PRCP: variants seen among roughly 807,000 people sequenced by gnomAD.
The protein encoded by PRCP is lysosomal Pro-X carboxypeptidase.
Under a neutral mutation model 54.2 loss-of-function variants are expected in PRCP, and 46 were observed. That is an observed-to-expected ratio of 0.85 (90% CI 0.67 to 1.09). The LOEUF is 1.09. Ranked by LOEUF, PRCP falls within the 50% of genes least tolerant of loss-of-function variation. PRCP has a pLI of 0.00. For missense variants in PRCP, 613 were observed against 596.8 expected (o/e 1.03, Z -0.28); for synonymous variants, 240 against 212.2 (o/e 1.13, Z -1.14).
Position 82,876,104 on chromosome 11 carries a change from C to T in PRCP, c.169-15987G>A, listed in dbSNP as rs191765405. Among the ~76,000 whole-genome samples the T allele has an allele frequency of 2.0e-5, 3 of 152,320 alleles. No homozygotes were observed. In the East Asian group the frequency reaches 5.8e-4, roughly 29 times the overall value. On this transcript the variant is annotated intron_variant, in intron 1 of 8. Transcript: ENST00000313010. Reference sequence around the variant, plus strand: ...AAAGGAGAATGCTCCTTCTCTGATCCTATGACAGCTTCCAGAACAGTCACC... The same window carrying T: ...AAAGGAGAATGCTCCTTCTCTGATCTTATGACAGCTTCCAGAACAGTCACC...
rs144187543 is a variant in PRCP, at chr11:82,896,166, T to C, written c.168+4069A>G. ...CCTACCATGTTTTATGCACCATCCA[T>C]GTGGCTTTCATTTGTTACGACACTG... On this transcript the variant is annotated intron_variant, in intron 1 of 8. Transcript: ENST00000313010. Among the ~76,000 whole-genome samples the C allele has an allele frequency of 5.9e-5, 9 of 152,318 alleles. No homozygotes were observed. In the East Asian group the frequency reaches 1.5e-3, roughly 26 times the overall value.
intron 1 of PRCP, among the ~76,000 whole-genome samples, chr11:82,867,728 G>A (rs1448264453): frequency 6.6e-6 from 1 of 151,438 alleles, no homozygotes; most frequent in East Asian, 1.9e-4. Context: ...CTTTTTTTTT[G>A]TTTGTTCTCT....
At chr11:82,838,707 T>C in intron 7 of PRCP, 133 bp from the exon 8 acceptor site, 1 of 750,746 alleles carries the variant, frequency 1.3e-6, no homozygotes. Flanking sequence ...TTCAACGCCC[T>C]GTTCTTTACT....
chr11:82,882,201 G>C (rs1859761917), intron 1 of PRCP, among the ~76,000 whole-genome samples: 1 of 151,988 alleles, frequency 6.6e-6, no homozygotes, highest in East Asian at 1.9e-4. Flanking sequence ...AGGTGAAAGG[G>C]GAGACAGAAG....
intron 1 of PRCP, among the ~76,000 whole-genome samples, chr11:82,886,993 C>A (rs1482391447): frequency 6.6e-6 from 1 of 152,158 alleles, no homozygotes; most frequent in Non-Finnish European, 1.5e-5. Context: ...GTTGGAAGCC[C>A]ACCTCCAAGG....
At chr11:82,864,719 C>T (rs1428125484) in intron 1 of PRCP, among the ~76,000 whole-genome samples, 1 of 152,122 alleles carries the variant, frequency 6.6e-6, no homozygotes, top group Admixed American at 6.6e-5. Context: ...CTAGAAATTT[C>T]ATTTTTTCTT....
chr11:82,853,229 G>A lies in PRCP; in HGVS notation c.359C>T (p.Ala120Val). The change falls in exon 3 of 9, where the codon GCT becomes GTT. Residue 120 changes from alanine to valine, a missense_variant. Transcript: ENST00000313010. Reference protein sequence around the residue: ...AEELKAMLVFAEHRYYGESLP... With the variant: ...AEELKAMLVFVEHRYYGESLP... ...AGACTCTCCATAGTATCGATGTTCA[G>A]CAAACACCAACATAGCTTTCAGTTC... The A allele has an allele frequency of 1.2e-6, 2 of 1,613,066 alleles. No homozygotes were observed. Among genetic ancestry groups the A allele is most frequent in the South Asian group, 2.2e-5 (2 of 90,952 alleles).
chr11:82,856,855 T>C (rs1030451456), intron 2 of PRCP, among the ~76,000 whole-genome samples: 5 of 152,002 alleles, frequency 3.3e-5, no homozygotes, highest in African/African-American at 1.2e-4. Context: ...GAGATCACGG[T>C]GAAACCCTGT....
intron 7 of PRCP, among the ~76,000 whole-genome samples, chr11:82,838,856 A>C (rs910611140): frequency 1.2e-4 from 19 of 152,216 alleles, no homozygotes; most frequent in African/African-American, 4.3e-4. Flanking sequence ...CTCTGCAAGG[A>C]AAGTTTATTA....
chr11:82,835,155 C>T (rs1858489595), intron 8 of PRCP, among the ~76,000 whole-genome samples: 1 of 152,192 alleles, frequency 6.6e-6, no homozygotes, highest in East Asian at 1.9e-4. Flanking sequence ...TGCACGTTTA[C>T]CTATGTAACA....
At chr11:82,861,381 A>G (rs893587079) in intron 1 of PRCP, among the ~76,000 whole-genome samples, 2 of 152,242 alleles carry the variant, frequency 1.3e-5, no homozygotes, top group Non-Finnish European at 2.9e-5. Context: ...GAAAATGAAT[A>G]ATATGAAAAT....
rs1451075207 is a variant in PRCP, at chr11:82,866,055, T to C, written c.169-5938A>G. Among the ~76,000 whole-genome samples, 3 of 152,336 alleles carry C rather than the reference T, an allele frequency of 2.0e-5. No individual in the cohort carries two copies. In the East Asian group the frequency reaches 5.8e-4, roughly 29 times the overall value. ...AGCAAGCCACATCTTATGAGTCAGA[T>C]CTCTGGCTCTTGGATGACTCCTGGT... On this transcript the variant is annotated intron_variant, in intron 1 of 8. Coordinates refer to ENST00000313010, the MANE Select transcript of PRCP (RefSeq NM_005040.4).
intron 1 of PRCP, among the ~76,000 whole-genome samples, chr11:82,885,821 C>T (rs1481568700): frequency 6.6e-6 from 1 of 152,142 alleles, no homozygotes; most frequent in Non-Finnish European, 1.5e-5. Flanking sequence ...ATTTTATACT[C>T]AAGTTGTTGG....
chr11:82,883,940 C>T (rs934495929), intron 1 of PRCP, among the ~76,000 whole-genome samples: 4 of 152,160 alleles, frequency 2.6e-5, no homozygotes, highest in African/African-American at 9.7e-5. Context: ...GAAGGAAACA[C>T]TCAACGCCAA....
chr11:82,839,952 C>G lies in PRCP; in HGVS notation c.922-527G>C, dbSNP rs865843550. On this transcript the variant is annotated intron_variant, in intron 6 of 8. Coordinates refer to ENST00000313010, the MANE Select transcript of PRCP (RefSeq NM_005040.4). ...TACCCTGTACCTATTTTTATCACAG[C>G]CCCTGTAATGCTCTACTTCACTCAC... 1.7e-4 allele frequency: 26 copies of G among 154,312 alleles called. No individual in the cohort carries two copies. In the Middle Eastern group the frequency reaches 0.013, roughly 80 times the overall value. The allele number at this position is 154,312 out of a possible 1,614,324, so 9.6% of individuals were successfully genotyped here. A position where few individuals can be genotyped will look rare whatever the true frequency, so the allele number is the denominator to read the frequency against.
intron 1 of PRCP, chr11:82,884,933 T>A (rs6592087): frequency 0.5 from 798,201 of 1,604,082 alleles, 202,001 homozygotes; most frequent in African/African-American, 0.71. Flanking sequence ...TTTGAAAGGT[T>A]TTACTAGCAC....
chr11:82,885,428 G>T (rs1305021918), intron 1 of PRCP, among the ~76,000 whole-genome samples: 1 of 152,084 alleles, frequency 6.6e-6, no homozygotes, highest in African/African-American at 2.4e-5. Flanking sequence ...CCCTTAGATG[G>T]CAGAATAATA....
At chr11:82,877,777 G>A (rs1170599103) in intron 1 of PRCP, among the ~76,000 whole-genome samples, 1 of 152,198 alleles carries the variant, frequency 6.6e-6, no homozygotes, top group Non-Finnish European at 1.5e-5. Flanking sequence ...AGGGTAGAAG[G>A]GAATGTGGAG....
intron 6 of PRCP, chr11:82,839,734 G>A: frequency 3.2e-6 from 1 of 312,540 alleles, no homozygotes; most frequent in South Asian, 3.4e-5. Flanking sequence ...CACCACACCA[G>A]GCTCCTTCCC....
Sources: gnomAD v4.1 joint callset for allele counts (sites outside exome capture counted in the v4.1 genomes callset) on GRCh38, gnomAD v4.1.1 for gene constraint, MANE v1.5 for transcripts, NCBI Gene and HGNC (gene_info 2026-07-23, HGNC 2026-07-21) for gene names.